Variants in ITSN1 observed in about 807,000 individuals in gnomAD.
ITSN1 encodes intersectin-1.
ITSN1 carries 58 observed loss-of-function variants against 239.8 expected under a neutral mutation model. That is an observed-to-expected ratio of 0.24 (90% CI 0.20 to 0.30). The LOEUF (loss-of-function observed/expected upper bound fraction) is 0.30, where lower values mean the gene tolerates loss of function less well. Among genes scored for constraint, ITSN1 ranks in the 10% least tolerant of loss-of-function variants. ITSN1 has a pLI of 1.00. For synonymous variants in ITSN1, 780 were observed against 770.8 expected, an observed-to-expected ratio of 1.01 and a Z score of -0.20; for missense variants, 1,558 against 2,103.3, an observed-to-expected ratio of 0.74 and a Z score of 5.07.
chr21:33,724,347 C>T (rs2065687755), intron 4 of ITSN1, among the ~76,000 whole-genome samples: 1 of 152,168 alleles, frequency 6.6e-6, no homozygotes, highest in Non-Finnish European at 1.5e-5. Flanking sequence ...GTAAGATGCT[C>T]AGATGAAGAA....
At chr21:33,798,452 A>G (rs563337745) in intron 18 of ITSN1, among the ~76,000 whole-genome samples, 3 of 152,158 alleles carry the variant, frequency 2.0e-5, no homozygotes, top group Admixed American at 6.5e-5. Flanking sequence ...GAACAAAAAG[A>G]TAAATGAAAG....
intron 11 of ITSN1, among the ~76,000 whole-genome samples, chr21:33,771,070 C>T (rs564464848): frequency 6.6e-6 from 1 of 152,128 alleles, no homozygotes; most frequent in Non-Finnish European, 1.5e-5. Flanking sequence ...CCAGCCAGGA[C>T]TTTGAATTTT....
At chr21:33,760,176 T>A (rs1959820218) in intron 8 of ITSN1, among the ~76,000 whole-genome samples, 1 of 151,560 alleles carries the variant, frequency 6.6e-6, no homozygotes, top group Non-Finnish European at 1.5e-5. Context: ...GACACAATGA[T>A]ACACTCCATA....
intron 1 of ITSN1, among the ~76,000 whole-genome samples, chr21:33,672,269 C>T (rs117941090): frequency 0.012 from 1,854 of 151,820 alleles, 13 homozygotes; most frequent in Non-Finnish European, 0.018. Context: ...ATCTAATTCA[C>T]GTGTTTTTAA....
chr21:33,714,165 T>G (rs1351040640), intron 1 of ITSN1, among the ~76,000 whole-genome samples: 1 of 152,260 alleles, frequency 6.6e-6, no homozygotes, highest in Non-Finnish European at 1.5e-5. Flanking sequence ...GGCTATTGTG[T>G]TAGTGAATAA....
intron 1 of ITSN1, among the ~76,000 whole-genome samples, chr21:33,688,728 A>C (rs1052329482): frequency 6.6e-6 from 1 of 152,168 alleles, no homozygotes; most frequent in African/African-American, 2.4e-5. Context: ...GGCAAGAAAG[A>C]GGAAAGACAG....
At chr21:33,675,009 G>A (rs2090508362) in intron 1 of ITSN1, among the ~76,000 whole-genome samples, 1 of 152,146 alleles carries the variant, frequency 6.6e-6, no homozygotes, top group Non-Finnish European at 1.5e-5. Context: ...AAACAATACT[G>A]ATAACATACT....
Position 33,751,905 on chromosome 21 carries a change from A to G in ITSN1, c.622A>G (p.Ser208Gly), listed in dbSNP as rs2067581834. The G allele has an allele frequency of 6.2e-7, 1 of 1,608,628 alleles. No individual in the cohort carries two copies. The highest frequency in any genetic ancestry group is 1.3e-5 in the African/African-American group (1 of 74,794). ...LQKAQSFDVA[S>G]VPPVAEWAVP... ...AAAGGCACAGTCATTTGATGTGGCC[A>G]GGTAAGTTTGCTTGTTTTTAAATGG... The change falls in exon 7 of 40, where the codon AGT (serine) becomes GGT (glycine). Residue 208 changes from serine (S) to glycine (G), a missense_variant and splice_region_variant. Physicochemically the swap from Ser to Gly is moderately conservative, Grantham distance 56 (BLOSUM62 0). Coordinates refer to ENST00000381318, the MANE Select transcript of ITSN1 (RefSeq NM_003024.3).
rs187085316 is a variant in ITSN1, at chr21:33,798,494, A to G, written c.2182+886A>G. Among the ~76,000 whole-genome samples, 13 of 152,298 alleles carry G rather than the reference A, an allele frequency of 8.5e-5. No individual in the cohort carries two copies. The East Asian group carries it at 2.1e-3, about 25-fold the overall frequency. On this transcript the variant is annotated intron_variant, in intron 18 of 39. Coordinates refer to ENST00000381318, the MANE Select transcript of ITSN1 (RefSeq NM_003024.3). The stretch of plus-strand genomic sequence containing the variant: ...CTAATCGGAATAGCTAGAAAAAGCT[A>G]TCCTTTATAATATCTGATGTGAGCT...
At chr21:33,801,746 A>T (rs1003138326) in intron 19 of ITSN1, among the ~76,000 whole-genome samples, 5 of 152,250 alleles carry the variant, frequency 3.3e-5, no homozygotes, top group African/African-American at 1.2e-4. Context: ...CCATGGCTTC[A>T]TTCAGCACAC....
At chr21:33,815,749 A>T (rs1015952518) in intron 22 of ITSN1, among the ~76,000 whole-genome samples, 1 of 152,156 alleles carries the variant, frequency 6.6e-6, no homozygotes, top group Non-Finnish European at 1.5e-5. Flanking sequence ...TGGATGAGGA[A>T]GAGTGAAGAG....
rs1248396311 is a variant in ITSN1, at chr21:33,890,304, T to C, written c.*2004T>C. 6.6e-6 allele frequency: 1 copy of C among 152,248 alleles called. No individual in the cohort carries two copies. The highest frequency in any genetic ancestry group is 1.5e-5 in the Non-Finnish European group (1 of 68,046). The allele number at this position is 152,248 out of a possible 1,614,324, so 9.4% of individuals were successfully genotyped here. A position where few individuals can be genotyped will look rare whatever the true frequency, so the allele number is the denominator to read the frequency against. ...TAGTGTGGGTCACCATTCCGATCTC[T>C]TTTTGTTTTCTGTCCTGTCTTTTCT... is the stretch of plus-strand genomic sequence containing the variant. On this transcript the variant is annotated 3_prime_UTR_variant, in exon 40 of 40. Transcript: ENST00000381318.
At position 33,797,677 on chromosome 21, in the gene ITSN1, C is replaced by T. The variant is rs1056865752; in HGVS notation, c.2182+69C>T. ...CTCCCAGAGCCTCCTGAAAAATGCC[C>T]CTATCTCATCAGTACCTGTCTTGGC... On this transcript the variant is annotated intron_variant, in intron 18 of 39. Transcript: ENST00000381318. This position sits in a 1 kb window ranked among gnomAD's most constrained non-coding sequence, Gnocchi z 4.9. The T allele has an allele frequency of 2.4e-6, 3 of 1,242,382 alleles. No individual in the cohort carries two copies. The East Asian group carries it at 7.2e-5, about 30-fold the overall frequency. The allele number at this position is 1,242,382 out of a possible 1,614,324, so 77.0% of individuals were successfully genotyped here.
At chr21:33,684,898 TAGTC>T (rs2091161143) in intron 1 of ITSN1, among the ~76,000 whole-genome samples, 1 of 152,182 alleles carries the variant, frequency 6.6e-6, no homozygotes, top group Admixed American at 6.5e-5. Context: ...CTCAAAGAAA[TAGTC>T]AAGTTAAAGG....
chr21:33,845,437 A>C lies in ITSN1; in HGVS notation c.3661+8805A>C, dbSNP rs539176888. On this transcript the variant is annotated intron_variant, in intron 29 of 39. Coordinates refer to ENST00000381318, the MANE Select transcript of ITSN1 (RefSeq NM_003024.3). ...CCAGCTTCCCCCACGCTGCAGGCAG[A>C]GAGCTATTCTAAAAACATCACTTCT... Among the ~76,000 whole-genome samples, 249 of 152,126 alleles carry C rather than the reference A, an allele frequency of 1.6e-3. 1 individual carries two copies. Among genetic ancestry groups the C allele is most frequent in the Non-Finnish European group, 3.0e-3 (203 of 67,970 alleles).
intron 27 of ITSN1, among the ~76,000 whole-genome samples, chr21:33,832,785 C>G (rs1175085584): frequency 6.6e-6 from 1 of 152,154 alleles, no homozygotes; most frequent in Non-Finnish European, 1.5e-5. Context: ...GCTCTGTGTT[C>G]TGAAAATGAC....
intron 1 of ITSN1, among the ~76,000 whole-genome samples, chr21:33,688,857 A>AGTGCAGTGGTGCAGTG (rs59291688): frequency 6.8e-6 from 1 of 147,758 alleles, no homozygotes; most frequent in African/African-American, 2.5e-5. Context: ...CCCAGGCTGG[A>AGTGCAGTGGTGCAGTG]GTGCAGTGGT....
At chr21:33,655,373 A>G (rs1213319510) in intron 1 of ITSN1, among the ~76,000 whole-genome samples, 1 of 152,134 alleles carries the variant, frequency 6.6e-6, no homozygotes, top group Non-Finnish European at 1.5e-5. Context: ...GTGCATCTGT[A>G]TAGGGGGTGA....
chr21:33,760,574 G>T (rs1252693573), intron 8 of ITSN1, among the ~76,000 whole-genome samples: 1 of 152,148 alleles, frequency 6.6e-6, no homozygotes, highest in East Asian at 1.9e-4. Context: ...TCATAGACTG[G>T]TTTATCTGAA....
Sources: gnomAD v4.1 joint callset for allele counts (sites outside exome capture counted in the v4.1 genomes callset) on GRCh38, gnomAD v4.1.1 for gene constraint, Gnocchi (gnomAD v3.1) non-coding constraint, MANE v1.5 for transcripts, NCBI Gene and HGNC (gene_info 2026-07-23, HGNC 2026-07-21) for gene names.